AMOTL1: variants seen among roughly 807,000 people sequenced by gnomAD.
AMOTL1 encodes the protein angiomotin-like protein 1.
Under a neutral mutation model 102.9 loss-of-function variants are expected in AMOTL1, and 45 were observed. The observed-to-expected ratio is 0.44, with a 90% CI of 0.34 to 0.56. The LOEUF is 0.56. Ranked by LOEUF, AMOTL1 falls within the 20% of genes least tolerant of loss-of-function variation. The pLI is 0.01. For synonymous variants in AMOTL1, 481 were observed against 484.7 expected (o/e 0.99, Z 0.10); for missense variants, 1,114 against 1,225.6 (o/e 0.91, Z 1.36).
At chr11:94,790,452 C>T (rs988686688) in intron 1 of AMOTL1, among the ~76,000 whole-genome samples, 5 of 151,996 alleles carry the variant, frequency 3.3e-5, no homozygotes, top group Non-Finnish European at 4.4e-5. Flanking sequence ...TGTTGAGAGG[C>T]GTTCTAGAGG....
chr11:94,834,097 A>G lies in AMOTL1; in HGVS notation c.1648+2556A>G, dbSNP rs1436623708. Among the ~76,000 whole-genome samples the G allele has an allele frequency of 2.6e-5, 4 of 152,160 alleles. No homozygotes were observed. In the East Asian group the frequency reaches 7.7e-4, roughly 29 times the overall value. On this transcript the variant is annotated intron_variant, in intron 6 of 12. Coordinates refer to ENST00000433060, the MANE Select transcript of AMOTL1 (RefSeq NM_130847.3). The stretch of plus-strand genomic sequence containing the variant: ...TGTGGGTACAGAATGGCAGGCATGA[A>G]TTACTGCCTCTCTTCCTAGTTATTA...
At chr11:94,733,293 A>G (rs892148325) in intron 2 of AMOTL1, among the ~76,000 whole-genome samples, 27 of 152,228 alleles carry the variant, frequency 1.8e-4, no homozygotes, top group Non-Finnish European at 4.4e-5. Context: ...TAGTGAACAG[A>G]TGCATATAAT....
intron 4 of AMOTL1, among the ~76,000 whole-genome samples, chr11:94,829,666 G>A (rs1010970293): frequency 5.9e-5 from 9 of 152,226 alleles, no homozygotes; most frequent in Middle Eastern, 3.4e-3. Flanking sequence ...AATTATAGTC[G>A]TTTCTTTTTT....
At chr11:94,731,139 A>T (rs779185770) in intron 2 of AMOTL1, among the ~76,000 whole-genome samples, 54 of 152,206 alleles carry the variant, frequency 3.5e-4, no homozygotes, top group Non-Finnish European at 6.3e-4. Context: ...TTGCCTAAAG[A>T]GAAGGTACTG....
intron 3 of AMOTL1, among the ~76,000 whole-genome samples, chr11:94,817,789 G>A (rs1198623137): frequency 1.3e-5 from 2 of 152,130 alleles, no homozygotes; most frequent in South Asian, 2.1e-4. Context: ...GGAAAAACTT[G>A]CAAGACTCCC....
At chr11:94,750,964 G>C (rs1950646456) in intron 3 of AMOTL1, among the ~76,000 whole-genome samples, 1 of 152,140 alleles carries the variant, frequency 6.6e-6, no homozygotes, top group Non-Finnish European at 1.5e-5. Flanking sequence ...GGAAACAGAG[G>C]CTCAGAGAGG....
At chr11:94,775,991 A>G (rs1167896453) in intron 1 of AMOTL1, among the ~76,000 whole-genome samples, 1 of 152,216 alleles carries the variant, frequency 6.6e-6, no homozygotes, top group Non-Finnish European at 1.5e-5. Flanking sequence ...TGTTCCACTC[A>G]TGGGATTCTT....
chr11:94,834,547 G>T (rs1306871639), intron 6 of AMOTL1, among the ~76,000 whole-genome samples: 1 of 152,012 alleles, frequency 6.6e-6, no homozygotes, highest in Non-Finnish European at 1.5e-5. Flanking sequence ...AGCTGAGATC[G>T]CGCCACTGCA....
exon 2 of AMOTL1, chr11:94,729,006 A>C (rs1950303790): frequency 7.8e-7 from 1 of 1,288,960 alleles, no homozygotes; most frequent in African/African-American, 1.5e-5. Context: ...TGGAGGAAGG[A>C]GCCTGGTTAT....
At chr11:94,815,270 A>G (rs1951745422) in intron 3 of AMOTL1, among the ~76,000 whole-genome samples, 4 of 152,278 alleles carry the variant, frequency 2.6e-5, no homozygotes, top group South Asian at 2.1e-4. Flanking sequence ...ATCTTTTTTT[A>G]TGTAAACTTT....
chr11:94,834,286 G>A (rs1343959654), intron 6 of AMOTL1, among the ~76,000 whole-genome samples: 1 of 152,102 alleles, frequency 6.6e-6, no homozygotes, highest in Non-Finnish European at 1.5e-5. Context: ...AGGCAAGACT[G>A]CAATAGAAGT....
upstream of AMOTL1, among the ~76,000 whole-genome samples, chr11:94,765,069 C>A (rs1950839542): frequency 6.6e-6 from 1 of 152,204 alleles, no homozygotes; most frequent in Non-Finnish European, 1.5e-5. Context: ...CTTGGTATCA[C>A]TGGAACATCC....
chr11:94,834,626 C>T (rs1007970761), intron 6 of AMOTL1, among the ~76,000 whole-genome samples: 2 of 152,114 alleles, frequency 1.3e-5, no homozygotes, highest in Non-Finnish European at 2.9e-5. Flanking sequence ...GTAATACATA[C>T]CAAGAAGCCC....
At chr11:94,735,546 A>G (rs1950426374) in intron 2 of AMOTL1, among the ~76,000 whole-genome samples, 1 of 152,178 alleles carries the variant, frequency 6.6e-6, no homozygotes, top group Non-Finnish European at 1.5e-5. Context: ...TGACTTTTTA[A>G]TATACTTTCT....
chr11:94,773,071 T>C (rs1950977716), intron 1 of AMOTL1, among the ~76,000 whole-genome samples: 1 of 152,236 alleles, frequency 6.6e-6, no homozygotes, highest in Non-Finnish European at 1.5e-5. Flanking sequence ...ATTATTTATT[T>C]TACTTTAGAG....
chr11:94,740,508 C>A (rs1364523269), intron 2 of AMOTL1, among the ~76,000 whole-genome samples: 1 of 151,672 alleles, frequency 6.6e-6, no homozygotes, highest in African/African-American at 2.4e-5. Context: ...TGCTCGCCGC[C>A]GCCGCCGCGC....
intron 6 of AMOTL1, among the ~76,000 whole-genome samples, chr11:94,845,774 C>T (rs928499662): frequency 6.6e-6 from 1 of 152,180 alleles, no homozygotes; most frequent in Non-Finnish European, 1.5e-5. Context: ...GAGCAGACAT[C>T]CTTCTATGTA....
chr11:94,718,528 T>C (rs994219675), intron 1 of AMOTL1, among the ~76,000 whole-genome samples: 80 of 152,136 alleles, frequency 5.3e-4, no homozygotes, highest in African/African-American at 1.9e-3. Context: ...GTTTTTAGCA[T>C]ATTTTTCTAC....
chr11:94,708,379 C>G (rs1949966185), intron 1 of AMOTL1, among the ~76,000 whole-genome samples: 1 of 152,134 alleles, frequency 6.6e-6, no homozygotes, highest in Non-Finnish European at 1.5e-5. Context: ...GGAAGGCAGC[C>G]TGAAGAATGC....
Sources: gnomAD v4.1 joint callset for allele counts (sites outside exome capture counted in the v4.1 genomes callset) on GRCh38, gnomAD v4.1.1 for gene constraint, MANE v1.5 for transcripts, NCBI Gene and HGNC (gene_info 2026-07-23, HGNC 2026-07-21) for gene names.